Variants in PTPRD observed in about 807,000 individuals in gnomAD.
The protein encoded by PTPRD is receptor-type tyrosine-protein phosphatase delta.
PTPRD carries 34 observed loss-of-function variants against 214.5 expected under a neutral mutation model. That is an observed-to-expected ratio of 0.16 (90% CI 0.12 to 0.21). PTPRD has a LOEUF of 0.21. Among genes scored for constraint, PTPRD ranks in the 10% least tolerant of loss-of-function variants. The pLI is 1.00. For synonymous variants in PTPRD, 1,128 were observed against 845.7 expected (o/e 1.33, Z -5.79); for missense variants, 2,545 against 2,398.7 (o/e 1.06, Z -1.27).
chr9:9,556,036 A>T (rs2154288134), intron 8 of PTPRD, among the ~76,000 whole-genome samples: 1 of 152,226 alleles, frequency 6.6e-6, no homozygotes, highest in East Asian at 1.9e-4. Flanking sequence ...GGTAGCCAAA[A>T]ATCTTTGTGT....
At chr9:10,394,927 A>G (rs2098138261) in intron 2 of PTPRD, among the ~76,000 whole-genome samples, 1 of 150,292 alleles carries the variant, frequency 6.7e-6, no homozygotes, top group Non-Finnish European at 1.5e-5. Flanking sequence ...TACTGAATCA[A>G]CTTATGTGTT....
intron 9 of PTPRD, among the ~76,000 whole-genome samples, chr9:9,303,624 G>T (rs926709709): frequency 2.6e-5 from 4 of 152,010 alleles, no homozygotes; most frequent in Non-Finnish European, 5.9e-5. Context: ...TTAGATTCAA[G>T]AAAAATGGGA....
intron 5 of PTPRD, among the ~76,000 whole-genome samples, chr9:9,896,625 A>T (rs74610117): frequency 6.6e-6 from 1 of 152,090 alleles, no homozygotes; most frequent in Non-Finnish European, 1.5e-5. Context: ...CCTCCAACGA[A>T]TTAGATCCGA....
At chr9:9,041,611 A>T (rs2099640095) in intron 10 of PTPRD, among the ~76,000 whole-genome samples, 1 of 152,182 alleles carries the variant, frequency 6.6e-6, no homozygotes. Flanking sequence ...TTTCTTTAAT[A>T]AGGAAACAGA....
At chr9:9,558,660 C>T (rs2082127296) in intron 8 of PTPRD, among the ~76,000 whole-genome samples, 1 of 152,204 alleles carries the variant, frequency 6.6e-6, no homozygotes, top group African/African-American at 2.4e-5. Flanking sequence ...GATGTCACCT[C>T]CTTGGTGATT....
intron 11 of PTPRD, chr9:8,936,011 C>T (rs1157348414): frequency 6.6e-6 from 1 of 152,188 alleles, no homozygotes; most frequent in Non-Finnish European, 1.5e-5. Context: ...CATGGCTTGA[C>T]ATTTTTTCCA....
At chr9:9,477,388 T>C (rs1361556872) in intron 8 of PTPRD, among the ~76,000 whole-genome samples, 1 of 152,098 alleles carries the variant, frequency 6.6e-6, no homozygotes, top group African/African-American at 2.4e-5. Context: ...ACTGGGACCA[T>C]TTGAAGGTAA....
At chr9:9,624,564 AG>A (rs1191204865) in intron 7 of PTPRD, among the ~76,000 whole-genome samples, 1 of 152,086 alleles carries the variant, frequency 6.6e-6, no homozygotes, top group Admixed American at 6.6e-5. Context: ...CTAGGATTAC[AG>A]GTATGAGCCA....
chr9:9,244,605 A>G (rs371533389), intron 9 of PTPRD, among the ~76,000 whole-genome samples: 1 of 152,064 alleles, frequency 6.6e-6, no homozygotes, highest in Non-Finnish European at 1.5e-5. Context: ...TGAAACTGGA[A>G]CCCTTCCTTA....
At chr9:8,608,639 C>T (rs571357077) in intron 14 of PTPRD, among the ~76,000 whole-genome samples, 30 of 152,094 alleles carry the variant, frequency 2.0e-4, no homozygotes, top group African/African-American at 7.2e-4. Flanking sequence ...ATCAAATCAG[C>T]CAGAATACTG....
At chr9:10,352,397 T>A (rs1226649312) in intron 2 of PTPRD, among the ~76,000 whole-genome samples, 1 of 152,032 alleles carries the variant, frequency 6.6e-6, no homozygotes, top group African/African-American at 2.4e-5. Flanking sequence ...TTCTCATTCC[T>A]ATTCTTCTTC....
At chr9:8,614,581 C>G (rs2095550572) in intron 14 of PTPRD, among the ~76,000 whole-genome samples, 1 of 152,074 alleles carries the variant, frequency 6.6e-6, no homozygotes, top group East Asian at 1.9e-4. Flanking sequence ...ATGTAGAGCC[C>G]TACAATGTAG....
intron 7 of PTPRD, among the ~76,000 whole-genome samples, chr9:9,611,977 A>T (rs2094537097): frequency 6.6e-6 from 1 of 152,126 alleles, no homozygotes; most frequent in Non-Finnish European, 1.5e-5. Flanking sequence ...AATATATCAG[A>T]TATTTTTTAG....
intron 2 of PTPRD, among the ~76,000 whole-genome samples, chr9:10,568,204 A>C (rs1037200153): frequency 7.5e-5 from 11 of 146,458 alleles, no homozygotes; most frequent in African/African-American, 2.8e-4. Context: ...CCTATGAGTG[A>C]GAACATGCGG....
chr9:10,007,983 C>T (rs2096524295), intron 4 of PTPRD, among the ~76,000 whole-genome samples: 1 of 151,954 alleles, frequency 6.6e-6, no homozygotes, highest in Admixed American at 6.6e-5. Context: ...CTAGTTAACA[C>T]TTATAAATCT....
chr9:9,845,417 T>C (rs780904366), intron 5 of PTPRD, among the ~76,000 whole-genome samples: 3 of 151,702 alleles, frequency 2.0e-5, no homozygotes, highest in Non-Finnish European at 2.9e-5. Flanking sequence ...AGGGCATAGA[T>C]TAGACCTAGT....
intron 3 of PTPRD, among the ~76,000 whole-genome samples, chr9:10,133,933 G>C (rs2098922657): frequency 1.3e-5 from 2 of 152,188 alleles, no homozygotes; most frequent in South Asian, 2.1e-4. Context: ...ATATAAATGA[G>C]GGGTGTTGCT....
At chr9:8,710,769 T>C (rs1208284395) in intron 12 of PTPRD, among the ~76,000 whole-genome samples, 1 of 152,216 alleles carries the variant, frequency 6.6e-6, no homozygotes, top group African/African-American at 2.4e-5. Flanking sequence ...ATACTTTAGA[T>C]AAGTCTTATT....
chr9:8,863,323 G>C (rs2098138952), intron 11 of PTPRD, among the ~76,000 whole-genome samples: 1 of 152,152 alleles, frequency 6.6e-6, no homozygotes, highest in Non-Finnish European at 1.5e-5. Context: ...TTCTTTAGTA[G>C]ACTGGGGCAT....
Sources: allele counts gnomAD v4.1 joint callset (sites outside exome capture counted in the v4.1 genomes callset), GRCh38; gene constraint gnomAD v4.1.1; transcripts MANE v1.5; gene names NCBI Gene and HGNC (gene_info 2026-07-23, HGNC 2026-07-21).